Variants in SOCS5 observed in about 807,000 individuals in gnomAD.
The protein encoded by SOCS5 is CIS-6.
A neutral mutation model predicts 42.8 loss-of-function variants in SOCS5; 32 were observed. That is an observed-to-expected ratio of 0.75 (90% confidence interval 0.56 to 1.01). The LOEUF is 1.01. SOCS5 is among the 50% of genes least tolerant of loss of function. The pLI is 0.00. For missense variants in SOCS5, 627 were observed against 653.0 expected, an observed-to-expected ratio of 0.96 and a Z score of 0.43; for synonymous variants, 283 against 229.6, an observed-to-expected ratio of 1.23 and a Z score of -2.10.
intron 1 of SOCS5, among the ~76,000 whole-genome samples, chr2:46,740,111 A>G (rs1452413559): frequency 2.0e-5 from 3 of 152,268 alleles, no homozygotes; most frequent in Non-Finnish European, 4.4e-5. Flanking sequence ...GAGTAATTTC[A>G]GTGCCTGCTA....
rs1207037052 is a variant in SOCS5, at chr2:46,760,267, T to A, written c.*126T>A. On this transcript the variant is annotated 3_prime_UTR_variant, in exon 2 of 2. Transcript: ENST00000394861. Reference sequence around the variant, plus strand: ...AGTATGTAAGCTTAGTGTTAGTATCTGTCAGATGCTACCTGCTGTTACTTA... The same window carrying A: ...AGTATGTAAGCTTAGTGTTAGTATCAGTCAGATGCTACCTGCTGTTACTTA... 3.0e-5 allele frequency: 20 copies of A among 673,218 alleles called. No individual in the cohort carries two copies. The highest frequency in any genetic ancestry group is 4.9e-5 in the Non-Finnish European group (19 of 387,470). 41.7% of individuals were successfully genotyped at this position (673,218 alleles called of 1,614,324 possible).
chr2:46,705,138 A>G (rs944229186), intron 1 of SOCS5, among the ~76,000 whole-genome samples: 46 of 152,208 alleles, frequency 3.0e-4, no homozygotes, highest in Non-Finnish European at 3.7e-4. Flanking sequence ...GTGTTTTAAA[A>G]CACTTTTACT....
intron 1 of SOCS5, among the ~76,000 whole-genome samples, chr2:46,744,253 G>T (rs991510249): frequency 6.6e-6 from 1 of 152,060 alleles, no homozygotes; most frequent in Non-Finnish European, 1.5e-5. Context: ...GCCTCCCAAA[G>T]TTCTGGGATT....
At chr2:46,709,341 G>C (rs1672563957) in intron 1 of SOCS5, among the ~76,000 whole-genome samples, 3 of 152,182 alleles carry the variant, frequency 2.0e-5, no homozygotes, top group Non-Finnish European at 2.9e-5. Flanking sequence ...TCTAAGCAAA[G>C]GATGGAGTTA....
At chr2:46,749,002 T>C (rs1436714797) in intron 1 of SOCS5, among the ~76,000 whole-genome samples, 1 of 152,224 alleles carries the variant, frequency 6.6e-6, no homozygotes, top group African/African-American at 2.4e-5. Flanking sequence ...ACTTTGTTGG[T>C]ATTTTTGTTT....
At chr2:46,714,418 C>T (rs1041595009) in intron 1 of SOCS5, among the ~76,000 whole-genome samples, 4 of 152,148 alleles carry the variant, frequency 2.6e-5, no homozygotes, top group African/African-American at 9.7e-5. Flanking sequence ...AGGTAGTTTC[C>T]GTTGTTCTGA....
chr2:46,758,572 G>T lies in SOCS5; in HGVS notation c.42G>T (p.Arg14Ser). The T allele has an allele frequency of 6.2e-7, 1 of 1,607,586 alleles. No homozygotes were observed. Among genetic ancestry groups the T allele is most frequent in the East Asian group, 2.2e-5 (1 of 44,852 alleles). Residue 14 changes from arginine (R) to serine (S), a missense_variant, in exon 2 of 2, where the codon AGG (arginine) becomes AGT (serine). This residue lies in a region of SOCS5 where 278 missense variants were observed against 246.3 expected (regional missense o/e 1.13). Coordinates refer to ENST00000394861, the MANE Select transcript of SOCS5 (RefSeq NM_144949.3). ...VGKMWNNFKY[R>S]CQNLFGHEGG... ...AAATGTGGAATAACTTCAAATACAGGTGTCAGAATCTCTTCGGTCATGAGG... is the reference window on the plus strand; with the variant it reads ...AAATGTGGAATAACTTCAAATACAGTTGTCAGAATCTCTTCGGTCATGAGG...
intron 1 of SOCS5, among the ~76,000 whole-genome samples, chr2:46,734,492 T>A (rs2103732181): frequency 6.6e-6 from 1 of 152,334 alleles, no homozygotes; most frequent in South Asian, 2.1e-4. Flanking sequence ...TTCATTGGCC[T>A]TAGTTCACTT....
At chr2:46,746,317 A>C (rs765236724) in intron 1 of SOCS5, among the ~76,000 whole-genome samples, 1 of 152,132 alleles carries the variant, frequency 6.6e-6, no homozygotes, top group Non-Finnish European at 1.5e-5. Flanking sequence ...AATATCTAGC[A>C]TGTTTTCTCT....
At chr2:46,730,188 A>G (rs1206274756) in intron 1 of SOCS5, among the ~76,000 whole-genome samples, 1 of 152,194 alleles carries the variant, frequency 6.6e-6, no homozygotes, top group Non-Finnish European at 1.5e-5. Context: ...GATTTTGGCC[A>G]ACAAATCACT....
intron 1 of SOCS5, among the ~76,000 whole-genome samples, chr2:46,707,675 T>C (rs1456564335): frequency 6.6e-6 from 1 of 152,206 alleles, no homozygotes; most frequent in Non-Finnish European, 1.5e-5. Flanking sequence ...ACTTTTGTGT[T>C]TTAGAAAATT....
In SOCS5 at chr2:46,759,007, T is replaced by C. The variant is rs751736443; in HGVS notation, c.477T>C (p.Ser159=). The part of the protein sequence containing the change: ...LQRRERRYGV[S]SVHDMDSVSS... ...GGAGAGAGAGGCGCTACGGCGTAAG[T>C]TCTGTACACGACATGGACAGTGTTT... Residue 159 remains serine, a synonymous_variant, in exon 2 of 2, where the codon AGT becomes AGC. Coordinates refer to ENST00000394861, the MANE Select transcript of SOCS5 (RefSeq NM_144949.3). 1.7e-5 allele frequency: 28 copies of C among 1,613,862 alleles called. 1 individual carries two copies. The Middle Eastern group carries it at 3.8e-3, about 218-fold the overall frequency.
At chr2:46,727,229 A>G (rs1456599507) in intron 1 of SOCS5, among the ~76,000 whole-genome samples, 1 of 146,746 alleles carries the variant, frequency 6.8e-6, no homozygotes, top group African/African-American at 2.5e-5. Context: ...GCTCACTGCA[A>G]GCTCCGCCTC....
intron 1 of SOCS5, among the ~76,000 whole-genome samples, chr2:46,728,992 C>T (rs1352225583): frequency 6.6e-6 from 1 of 152,224 alleles, no homozygotes; most frequent in Admixed American, 6.5e-5. Flanking sequence ...GGCTCTACCT[C>T]AGATCTACTG....
chr2:46,759,647 T>G lies in SOCS5; in HGVS notation c.1117T>G (p.Leu373Val). Reference sequence around the variant, plus strand: ...TTACATACACTGCCTCGTGCCTGATTTGCTTCAAATTACAGGGAATCCCTG... The same window carrying G: ...TTACATACACTGCCTCGTGCCTGATGTGCTTCAAATTACAGGGAATCCCTG... ...IDYIHCLVPD[L>V]LQITGNPCYW... Residue 373 changes from leucine to valine, a missense_variant, in exon 2 of 2, where the codon TTG (leucine) becomes GTG (valine). By Grantham distance (32) the Leu-to-Val change is conservative. Transcript: ENST00000394861. The G allele has an allele frequency of 6.2e-7, 1 of 1,614,060 alleles. No individual in the cohort carries two copies. Among genetic ancestry groups the G allele is most frequent in the Non-Finnish European group, 8.5e-7 (1 of 1,179,950 alleles).
Position 46,759,975 on chromosome 2 carries a change from T to C in SOCS5, c.1445T>C (p.Phe482Ser). Residue 482 changes from phenylalanine to serine, a missense_variant, in exon 2 of 2, where the codon TTT becomes TCT. Phe to Ser is a radical substitution (Grantham distance 155). Transcript: ENST00000394861. ...ATATCACTAAATAGGACTTTCCCTT[T>C]TAGCCTGCAGTATATCTGTCGCGCG... ...LTISLNRTFP[F>S]SLQYICRAVI... 1 of 1,614,202 alleles carries C rather than the reference T, an allele frequency of 6.2e-7. No homozygotes were observed. Among genetic ancestry groups the C allele is most frequent in the Non-Finnish European group, 8.5e-7 (1 of 1,180,020 alleles).
intron 1 of SOCS5, among the ~76,000 whole-genome samples, chr2:46,757,416 C>T (rs1673753787): frequency 6.6e-6 from 1 of 152,128 alleles, no homozygotes; most frequent in African/African-American, 2.4e-5. Context: ...AAGTATCATA[C>T]ACTGCTTTAG....
intron 1 of SOCS5, among the ~76,000 whole-genome samples, chr2:46,744,847 C>G (rs1447695746): frequency 2.0e-5 from 3 of 150,944 alleles, no homozygotes; most frequent in Non-Finnish European, 4.4e-5. Context: ...ATTTTTGACC[C>G]AATTTTATTT....
chr2:46,718,507 T>G (rs913471873), intron 1 of SOCS5, among the ~76,000 whole-genome samples: 1 of 152,294 alleles, frequency 6.6e-6, no homozygotes, highest in South Asian at 2.1e-4. Flanking sequence ...AGTTTACCAG[T>G]TATATGAACA....
Sources: gnomAD v4.1 joint callset for allele counts (sites outside exome capture counted in the v4.1 genomes callset) on GRCh38, gnomAD v4.1.1 for gene constraint, gnomAD v4.1.1 regional missense constraint, MANE v1.5 for transcripts, NCBI Gene and HGNC (gene_info 2026-07-23, HGNC 2026-07-21) for gene names.